The following AK5 variants were observed in gnomAD, a reference collection of about 807,000 sequenced individuals.
AK5 encodes adenylate kinase isoenzyme 5.
AK5 carries 27 observed loss-of-function variants against 69.5 expected under a neutral mutation model. The observed-to-expected ratio is 0.39, with a 90% CI of 0.29 to 0.54. The LOEUF is 0.54. Ranked by LOEUF, AK5 falls within the 20% of genes least tolerant of loss-of-function variation. The pLI, the probability that AK5 is intolerant of heterozygous loss-of-function variation, is 0.71. For missense variants in AK5, 531 were observed against 700.4 expected (o/e 0.76, Z 2.73); for synonymous variants, 260 against 244.4 (o/e 1.06, Z -0.60).
intron 5 of AK5, among the ~76,000 whole-genome samples, chr1:77,323,943 A>G (rs1004828316): frequency 7.2e-5 from 11 of 152,354 alleles, no homozygotes; most frequent in Admixed American, 6.5e-4. Context: ...ATCTAAAAAT[A>G]TCCTGTGAGA....
At position 77,403,408 on chromosome 1, in the gene AK5, T is replaced by C. The variant is rs528526487; in HGVS notation, c.892-7573T>C. On this transcript the variant is annotated intron_variant, in intron 6 of 13. Transcript: ENST00000354567. ...CTGAATCGTATTGCCTAGGTTTTCT[T>C]CTAGGGTTTTTATGGTTTTAGGTCT... Among the ~76,000 whole-genome samples the C allele has an allele frequency of 2.0e-5, 3 of 152,270 alleles. No homozygotes were observed. In the South Asian group the frequency reaches 6.2e-4, roughly 32 times the overall value.
At position 77,368,245 on chromosome 1, in the gene AK5, A is replaced by ATATATATGT. The variant is rs1553140334; in HGVS notation, c.891+27684_891+27685insGTTATATAT. Among the ~76,000 whole-genome samples, 37 of 67,900 alleles carry ATATATATGT rather than the reference A, an allele frequency of 5.4e-4. 1 individual carries two copies. Among genetic ancestry groups the ATATATATGT allele is most frequent in the Admixed American group, 8.8e-4 (4 of 4,548 alleles). The allele number at this position is 67,900 out of a possible 152,430, so 44.5% of individuals were successfully genotyped here. On this transcript the variant is annotated intron_variant, in intron 6 of 13. Coordinates refer to ENST00000354567, the MANE Select transcript of AK5 (RefSeq NM_174858.3). ...TATATATATATATATATATATATAT[A>ATATATATGT]TATATATAATATATATGTTATATAT... is the stretch of plus-strand genomic sequence containing the variant.
rs1659107265 is a variant in AK5, at chr1:77,297,927, G to A, written c.679G>A (p.Ala227Thr). The A allele has an allele frequency of 6.2e-7, 1 of 1,611,862 alleles. No homozygotes were observed. The highest frequency in any genetic ancestry group is 8.5e-7 in the Non-Finnish European group (1 of 1,179,192). Residue 227 changes from alanine to threonine, a missense_variant, in exon 5 of 14, where the codon GCT becomes ACT. By Grantham distance (58) the Ala-to-Thr change is moderately conservative. Coordinates refer to ENST00000354567, the MANE Select transcript of AK5 (RefSeq NM_174858.3). ...TGGATTTCCAAGAGATGTTGCCCAG[G>A]CTCTATCTTTTGAGGACCAAGTAAG... is the stretch of plus-strand genomic sequence containing the variant. ...IDGFPRDVAQ[A>T]LSFEDQICTP... is the part of the protein sequence containing the mutation.
chr1:77,540,928 A>G (rs773471757), intron 13 of AK5, among the ~76,000 whole-genome samples: 1 of 150,950 alleles, frequency 6.6e-6, no homozygotes, highest in Non-Finnish European at 1.5e-5. Context: ...TTTTTTAGAG[A>G]TGGAGTCTCG....
chr1:77,331,317 A>C (rs1445146100), intron 5 of AK5, among the ~76,000 whole-genome samples: 1 of 152,110 alleles, frequency 6.6e-6, no homozygotes. Context: ...AAAGGTTTCA[A>C]CATTTCCCAA....
intron 10 of AK5, among the ~76,000 whole-genome samples, chr1:77,504,268 C>T (rs1181575842): frequency 2.0e-5 from 3 of 151,986 alleles, no homozygotes; most frequent in East Asian, 1.9e-4. Context: ...AACAGATTGG[C>T]GAGAACATTT....
chr1:77,314,002 G>A (rs1229277015), intron 5 of AK5: 15 of 415,326 alleles, frequency 3.6e-5, no homozygotes, highest in Non-Finnish European at 6.8e-5. Context: ...AAGGGGAAGA[G>A]GGGGAGAAAT....
At position 77,340,556 on chromosome 1, in the gene AK5, G is replaced by A. The variant is rs1661601550; in HGVS notation, c.879G>A (p.Gly293=). Residue 293 remains glycine, a synonymous_variant, in exon 6 of 14, where the codon GGG becomes GGA. Coordinates refer to ENST00000354567, the MANE Select transcript of AK5 (RefSeq NM_174858.3). ...APLVKYFQEK[G]LIMTFDADRD... ...TGGTTAAATACTTCCAGGAAAAGGG[G>A]CTCATCATGACAGTAAGTTAGCTCG... is the stretch of plus-strand genomic sequence containing the variant. 1.9e-6 allele frequency: 3 copies of A among 1,613,758 alleles called. No individual in the cohort carries two copies. Among genetic ancestry groups the A allele is most frequent in the South Asian group, 1.1e-5 (1 of 91,062 alleles).
At chr1:77,505,857 G>A (rs771592929) in intron 10 of AK5, among the ~76,000 whole-genome samples, 27 of 151,852 alleles carry the variant, frequency 1.8e-4, no homozygotes, top group Non-Finnish European at 3.5e-4. Flanking sequence ...AGCCAAGATC[G>A]GCAGCCTGGG....
intron 1 of AK5, chr1:77,283,246 T>C: frequency 2.0e-6 from 2 of 985,494 alleles, no homozygotes; most frequent in Non-Finnish European, 1.2e-6. Flanking sequence ...TCTTTGTATT[T>C]GAATTTAAAA....
intron 8 of AK5, among the ~76,000 whole-genome samples, chr1:77,439,070 C>A (rs1479120988): frequency 6.6e-6 from 1 of 152,110 alleles, no homozygotes; most frequent in East Asian, 1.9e-4. Context: ...ATTTCAGGGG[C>A]TGATAATCTA....
Position 77,404,184 on chromosome 1 carries a change from A to G in AK5, c.892-6797A>G, listed in dbSNP as rs147806980. Among the ~76,000 whole-genome samples, 251 of 152,324 alleles carry G rather than the reference A, an allele frequency of 1.6e-3. 1 individual carries two copies. Among genetic ancestry groups the G allele is most frequent in the Non-Finnish European group, 2.7e-3 (183 of 68,030 alleles). ...ACACTGTTTAAAAATCCCAAAGTCA[A>G]GAAAACCTAATGTATGTAAGGGCTT... On this transcript the variant is annotated intron_variant, in intron 6 of 13. Coordinates refer to ENST00000354567, the MANE Select transcript of AK5 (RefSeq NM_174858.3).
chr1:77,357,543 T>C (rs918010866), intron 6 of AK5, among the ~76,000 whole-genome samples: 1 of 152,228 alleles, frequency 6.6e-6, no homozygotes, highest in African/African-American at 2.4e-5. Flanking sequence ...CATTGAGCAC[T>C]TCACTGAGCT....
intron 6 of AK5, among the ~76,000 whole-genome samples, chr1:77,410,271 T>TTTGTTG (rs905960669): frequency 1.3e-5 from 2 of 151,558 alleles, no homozygotes; most frequent in Non-Finnish European, 1.5e-5. Flanking sequence ...GTTTGGAGGT[T>TTTGTTG]TTGTTGTTGT....
chr1:77,347,393 A>C (rs556564323), intron 6 of AK5, among the ~76,000 whole-genome samples: 7 of 152,282 alleles, frequency 4.6e-5, no homozygotes, highest in African/African-American at 1.7e-4. Context: ...ATCAAATCTT[A>C]ACTGTGTGTA....
At chr1:77,475,205 G>A (rs1361894685) in intron 8 of AK5, among the ~76,000 whole-genome samples, 5 of 143,130 alleles carry the variant, frequency 3.5e-5, no homozygotes, top group Non-Finnish European at 7.5e-5. Flanking sequence ...ATGTGTGTGT[G>A]TGTGTGTGTA....
intron 8 of AK5, among the ~76,000 whole-genome samples, chr1:77,457,020 GT>G (rs1653531044): frequency 6.6e-6 from 1 of 152,014 alleles, no homozygotes; most frequent in Admixed American, 6.6e-5. Flanking sequence ...GTTTGCCTGG[GT>G]TTTTAATCCT....
chr1:77,543,850 C>A (rs886167751), intron 13 of AK5, among the ~76,000 whole-genome samples: 5 of 151,936 alleles, frequency 3.3e-5, no homozygotes, highest in African/African-American at 1.2e-4. Flanking sequence ...TTTCCATCTC[C>A]GGTTAGTTGA....
intron 5 of AK5, among the ~76,000 whole-genome samples, chr1:77,327,751 A>C (rs1273657487): frequency 6.6e-6 from 1 of 152,174 alleles, no homozygotes; most frequent in African/African-American, 2.4e-5. Flanking sequence ...CTGTTTGCCT[A>C]GTGTTAGCAC....
Sources: allele counts gnomAD v4.1 joint callset (sites outside exome capture counted in the v4.1 genomes callset), GRCh38; gene constraint gnomAD v4.1.1; transcripts MANE v1.5; gene names NCBI Gene and HGNC (gene_info 2026-07-23, HGNC 2026-07-21).